SMPD3: variants seen among roughly 807,000 people sequenced by gnomAD.
SMPD3 encodes the protein nSMase-2.
Under a neutral mutation model 55.7 loss-of-function variants are expected in SMPD3, and 21 were observed. The observed-to-expected ratio is 0.38, with a 90% confidence interval of 0.27 to 0.54. The LOEUF is 0.54. Among genes scored for constraint, SMPD3 ranks in the 20% least tolerant of loss-of-function variants. The pLI is 0.80. For missense variants in SMPD3, 842 were observed against 899.6 expected (o/e 0.94, Z 0.82); for synonymous variants, 457 against 404.3 (o/e 1.13, Z -1.56).
intron 1 of SMPD3, among the ~76,000 whole-genome samples, chr16:68,426,991 CTTTT>C (rs56214206): frequency 1.8e-5 from 2 of 112,116 alleles, no homozygotes; most frequent in Admixed American, 9.2e-5. Flanking sequence ...TCAGGTCTAT[CTTTT>C]TTTTTTTTTT....
At chr16:68,384,856 C>A (rs2090024542) in intron 2 of SMPD3, among the ~76,000 whole-genome samples, 1 of 152,132 alleles carries the variant, frequency 6.6e-6, no homozygotes, top group African/African-American at 2.4e-5. Context: ...GGCAGCCCTG[C>A]CCCCTGCTGA....
At chr16:68,428,606 G>C (rs2090456216) in intron 1 of SMPD3, among the ~76,000 whole-genome samples, 2 of 152,232 alleles carry the variant, frequency 1.3e-5, no homozygotes, top group Admixed American at 1.3e-4. Flanking sequence ...GTCACAGAGA[G>C]AAAAGGGCTT....
In SMPD3 at chr16:68,363,761, C is replaced by T. The variant is rs1317734397; in HGVS notation, c.1645+16G>A. On this transcript the variant is annotated intron_variant, in intron 6 of 8. Transcript: ENST00000219334. ...GGGAGCCCAGCTCCCATCCTCCTCC[C>T]CCAGCCCCAGCTCACCGATGGCCCA... 1.3e-6 allele frequency: 2 copies of T among 1,554,910 alleles called. No individual in the cohort carries two copies. The highest frequency in any genetic ancestry group is 1.4e-5 in the African/African-American group (1 of 73,442).
chr16:68,363,793 C>G lies in SMPD3; in HGVS notation c.1629G>C (p.Glu543Asp). Residue 543 changes from glutamate to aspartate, a missense_variant, in exon 6 of 9, where the codon GAG (glutamate) becomes GAC (aspartate). Around this residue, in one of 2 missense-constraint regions of SMPD3, gnomAD observed 649 missense variants for 643.6 expected, o/e 1.01. Coordinates refer to ENST00000219334, the MANE Select transcript of SMPD3 (RefSeq NM_018667.4). ...CCAGCTCACCGATGGCCCACGGCTT[C>G]TCCTCACCAGGCCCCAGGCGGCAGG... ...RDPCRLGPGE[E>D]KPWAIGTLLD... The G allele has an allele frequency of 6.4e-7, 1 of 1,567,922 alleles. No homozygotes were observed. The highest frequency in any genetic ancestry group is 1.9e-5 in the Admixed American group (1 of 53,690).
intron 1 of SMPD3, among the ~76,000 whole-genome samples, chr16:68,445,077 ATC>A (rs1297482104): frequency 6.6e-6 from 1 of 152,178 alleles, no homozygotes; most frequent in African/African-American, 2.4e-5. Flanking sequence ...AGCATGTCTT[ATC>A]TCTCTCCCCC....
intron 2 of SMPD3, among the ~76,000 whole-genome samples, chr16:68,379,822 A>G (rs2089907284): frequency 6.6e-6 from 1 of 152,222 alleles, no homozygotes. Flanking sequence ...CACTCCTTCA[A>G]CCAGCCAGCC....
intron 1 of SMPD3, among the ~76,000 whole-genome samples, chr16:68,445,718 C>T (rs1240285564): frequency 7.2e-5 from 11 of 152,196 alleles, no homozygotes; most frequent in African/African-American, 2.4e-4. Flanking sequence ...TAGATGGTGG[C>T]TACATTGTGT....
Position 68,361,079 on chromosome 16 carries a change from A to G in SMPD3, c.*127T>C, listed in dbSNP as rs2089232618. The G allele has an allele frequency of 2.4e-6, 2 of 831,924 alleles. No homozygotes were observed. The highest frequency in any genetic ancestry group is 3.7e-6 in the Non-Finnish European group (2 of 537,688). The allele number at this position is 831,924 out of a possible 1,614,324, so 51.5% of individuals were successfully genotyped here. A position where few individuals can be genotyped will look rare whatever the true frequency, so the allele number is the denominator to read the frequency against. On this transcript the variant is annotated 3_prime_UTR_variant, in exon 9 of 9. Transcript: ENST00000219334. ...CAGCGCAGCTTCCAGGTTCCCGGGC[A>G]CTGACTGTGGCTCCCTCCCTGTCCC...
At chr16:68,370,138 C>A (rs547629283) in intron 3 of SMPD3, 1 of 152,256 alleles carries the variant, frequency 6.6e-6, no homozygotes, top group Non-Finnish European at 1.5e-5. Flanking sequence ...GCATCTCAGG[C>A]GCAGTAGAAG....
chr16:68,368,883 A>G (rs1355818755), intron 3 of SMPD3: 1 of 152,120 alleles, frequency 6.6e-6, no homozygotes, highest in Non-Finnish European at 1.5e-5. Flanking sequence ...CTGCTGAGAG[A>G]ACCTGCAAAC....
At chr16:68,361,363 C>T (rs553085230) in intron 8 of SMPD3, 56 bp from the exon 9 acceptor site, 2 of 1,545,218 alleles carry the variant, frequency 1.3e-6, no homozygotes, top group Admixed American at 1.9e-5. Context: ...GGGCATCTTG[C>T]AGGGAGCGGC....
intron 1 of SMPD3, among the ~76,000 whole-genome samples, chr16:68,439,017 T>G (rs1184838049): frequency 1.3e-5 from 2 of 152,254 alleles, no homozygotes; most frequent in Non-Finnish European, 2.9e-5. Context: ...TATGTATTGC[T>G]GAGCACAATG....
At chr16:68,429,262 C>T (rs575375364) in intron 1 of SMPD3, among the ~76,000 whole-genome samples, 41 of 152,190 alleles carry the variant, frequency 2.7e-4, no homozygotes, top group Non-Finnish European at 5.3e-4. Context: ...TCTGCCAGAT[C>T]CTGCAAAGCT....
At chr16:68,405,203 G>T (rs1203577400) in intron 1 of SMPD3, among the ~76,000 whole-genome samples, 1 of 152,044 alleles carries the variant, frequency 6.6e-6, no homozygotes, top group Non-Finnish European at 1.5e-5. Context: ...CATCCTGCTG[G>T]CCTGGACCAC....
In SMPD3 at chr16:68,371,407, C is replaced by T; in HGVS notation, c.775G>A (p.Asp259Asn). ...GCCTGGCCCCCAGGCACAGGGTCGT[C>T]AGCTTCAGGTGGCCGGCCGCCCTCC... Reference protein sequence around the residue: ...GEEGGRPPEADDPVPGGQARN... With the variant: ...GEEGGRPPEANDPVPGGQARN... The change falls in exon 3 of 9, where the codon GAC (aspartate) becomes AAC (asparagine). Residue 259 changes from aspartate to asparagine, a missense_variant. By Grantham distance (23) the Asp-to-Asn change is conservative (BLOSUM62 1). This residue lies in a region of SMPD3 where 649 missense variants were observed against 643.6 expected (regional missense o/e 1.01). Transcript: ENST00000219334. The T allele has an allele frequency of 1.3e-6, 2 of 1,568,894 alleles. No individual in the cohort carries two copies.
intron 7 of SMPD3, 133 bp downstream of exon 7, chr16:68,363,363 T>C: frequency 1.0e-6 from 1 of 986,454 alleles, no homozygotes; most frequent in Non-Finnish European, 1.6e-6. Flanking sequence ...AAAGGTGAGA[T>C]GAGGGACAGG....
intron 1 of SMPD3, among the ~76,000 whole-genome samples, chr16:68,424,593 T>A (rs1367824621): frequency 1.3e-5 from 2 of 152,194 alleles, no homozygotes; most frequent in East Asian, 3.8e-4. Context: ...GGGGATGAAA[T>A]GGGAGAATCC....
intron 3 of SMPD3, among the ~76,000 whole-genome samples, chr16:68,370,531 C>T (rs1265035902): frequency 2.0e-5 from 3 of 152,194 alleles, no homozygotes; most frequent in African/African-American, 7.2e-5. Context: ...CGGAACCCTT[C>T]CCAGGCCTTA....
At chr16:68,443,272 G>A (rs1179694332) in intron 1 of SMPD3, among the ~76,000 whole-genome samples, 1 of 152,142 alleles carries the variant, frequency 6.6e-6, no homozygotes, top group Non-Finnish European at 1.5e-5. Flanking sequence ...GGTGGCATAA[G>A]GACAGGAATG....
Sources: allele counts gnomAD v4.1 joint callset (sites outside exome capture counted in the v4.1 genomes callset), GRCh38; gene constraint gnomAD v4.1.1; regional missense constraint gnomAD v4.1.1; transcripts MANE v1.5; gene names NCBI Gene and HGNC (gene_info 2026-07-23, HGNC 2026-07-21).